KCNAB1: variants seen among roughly 807,000 people sequenced by gnomAD.
The protein encoded by KCNAB1 is potassium voltage-gated channel subfamily A regulatory beta subunit 1, also known as voltage-gated potassium channel subunit beta-1.
KCNAB1 carries 35 observed loss-of-function variants against 64.6 expected under a neutral mutation model. The ratio of observed to expected loss-of-function variants is 0.54; its 90% CI spans 0.41 to 0.72. The LOEUF is 0.72. Among genes scored for constraint, KCNAB1 ranks in the 30% least tolerant of loss-of-function variants. The pLI is 0.00. For missense variants in KCNAB1, 401 were observed against 512.9 expected (o/e 0.78, Z 2.11); for synonymous variants, 177 against 183.8 (o/e 0.96, Z 0.30).
intron 1 of KCNAB1, among the ~76,000 whole-genome samples, chr3:156,408,639 G>T (rs931494372): frequency 6.6e-6 from 1 of 152,042 alleles, no homozygotes; most frequent in Non-Finnish European, 1.5e-5. Context: ...AATTAGCCGG[G>T]TGTGGTGGGG....
chr3:156,454,831 AT>A (rs1037457393), intron 3 of KCNAB1, among the ~76,000 whole-genome samples: 3 of 152,172 alleles, frequency 2.0e-5, no homozygotes, highest in Non-Finnish European at 4.4e-5. Flanking sequence ...AGTAAAGTGC[AT>A]TATTTCCCCC....
chr3:156,200,583 G>A (rs891091194), intron 1 of KCNAB1, among the ~76,000 whole-genome samples: 10 of 152,098 alleles, frequency 6.6e-5, no homozygotes, highest in South Asian at 2.1e-4. Context: ...GGTGAATTCC[G>A]CAGAAATTCC....
chr3:156,160,948 G>C (rs1716040061), intron 1 of KCNAB1, among the ~76,000 whole-genome samples: 1 of 152,194 alleles, frequency 6.6e-6, no homozygotes, highest in African/African-American at 2.4e-5. Flanking sequence ...GCTGCTTTTG[G>C]CTCTTGTGTC....
intron 6 of KCNAB1, among the ~76,000 whole-genome samples, chr3:156,464,480 C>CAA (rs201395275): frequency 3.1e-4 from 46 of 148,420 alleles, no homozygotes; most frequent in South Asian, 8.6e-4. Flanking sequence ...ACAGAAATCG[C>CAA]AAAAAAATAA....
chr3:156,514,594 G>T, intron 9 of KCNAB1, 145 bp downstream of exon 9: 1 of 638,264 alleles, frequency 1.6e-6, no homozygotes, highest in South Asian at 1.9e-5. Context: ...TCATTACAGA[G>T]ATGGATATTG....
chr3:156,284,163 GT>G (rs1478252855), intron 1 of KCNAB1, among the ~76,000 whole-genome samples: 1 of 152,116 alleles, frequency 6.6e-6, no homozygotes, highest in African/African-American at 2.4e-5. Flanking sequence ...TGTCCTTTCT[GT>G]TTGTTAGTTT....
chr3:156,316,334 A>G (rs1009486557), intron 1 of KCNAB1, among the ~76,000 whole-genome samples: 1 of 152,226 alleles, frequency 6.6e-6, no homozygotes, highest in Admixed American at 6.5e-5. Context: ...CAGAAAATCA[A>G]CATAGTAGTG....
At chr3:156,238,349 G>A (rs1208114868) in intron 1 of KCNAB1, among the ~76,000 whole-genome samples, 4 of 150,962 alleles carry the variant, frequency 2.6e-5, no homozygotes, top group Non-Finnish European at 5.9e-5. Context: ...GTGAACCCGG[G>A]AGGCGGAACT....
chr3:156,492,636 AAC>A (rs1410259776), intron 8 of KCNAB1, among the ~76,000 whole-genome samples: 11 of 152,132 alleles, frequency 7.2e-5, no homozygotes, highest in African/African-American at 2.7e-4. Flanking sequence ...AGCTGAGTCC[AAC>A]AACCCCAAAG....
At chr3:156,346,785 ATT>A (rs1724508905) in intron 1 of KCNAB1, among the ~76,000 whole-genome samples, 1 of 152,188 alleles carries the variant, frequency 6.6e-6, no homozygotes, top group South Asian at 2.1e-4. Context: ...AAGTTGATTA[ATT>A]TTATGGAAAT....
intron 1 of KCNAB1, among the ~76,000 whole-genome samples, chr3:156,137,393 A>T (rs548456801): frequency 6.6e-6 from 1 of 152,208 alleles, no homozygotes; most frequent in East Asian, 1.9e-4. Flanking sequence ...ACTCCCATGC[A>T]CTGTAACATG....
intron 1 of KCNAB1, among the ~76,000 whole-genome samples, chr3:156,326,508 A>G (rs1560197120): frequency 6.6e-6 from 1 of 152,176 alleles, no homozygotes; most frequent in Non-Finnish European, 1.5e-5. Flanking sequence ...AAAACATTAC[A>G]TTCTCAGTAA....
chr3:156,485,967 G>A (rs1279485081), intron 8 of KCNAB1, among the ~76,000 whole-genome samples: 1 of 152,000 alleles, frequency 6.6e-6, no homozygotes, highest in African/African-American at 2.4e-5. Flanking sequence ...TTTCCACACT[G>A]TTTTCCGAGG....
intron 5 of KCNAB1, among the ~76,000 whole-genome samples, chr3:156,462,935 G>A (rs1424645220): frequency 2.0e-5 from 3 of 152,220 alleles, no homozygotes; most frequent in Middle Eastern, 3.4e-3. Flanking sequence ...TCCTGCCCTT[G>A]GTTGTGGCTT....
chr3:156,489,985 G>T (rs1715518387), intron 8 of KCNAB1, among the ~76,000 whole-genome samples: 1 of 152,132 alleles, frequency 6.6e-6, no homozygotes, highest in African/African-American at 2.4e-5. Context: ...CAGGTCTGCA[G>T]TCAGTGTCCT....
At position 156,128,249 on chromosome 3, in the gene KCNAB1, T is replaced by C. The variant is rs148134656; in HGVS notation, c.275+7363T>C. 3.8e-3 allele frequency among the ~76,000 whole-genome samples: 580 copies of C among 152,320 alleles called. 2 individuals are homozygous for C. Among genetic ancestry groups the C allele is most frequent in the Non-Finnish European group, 6.4e-3 (434 of 68,020 alleles). The stretch of plus-strand genomic sequence containing the variant: ...ACTAGACGAGATGATCCCTTGAGCT[T>C]TGTCCAGCTTTGAGCCTGTGGAGTA... On this transcript the variant is annotated intron_variant, in intron 1 of 13. Transcript: ENST00000490337.
At chr3:156,179,558 C>T (rs1712664555) in intron 1 of KCNAB1, among the ~76,000 whole-genome samples, 1 of 151,792 alleles carries the variant, frequency 6.6e-6, no homozygotes, top group Admixed American at 6.6e-5. Flanking sequence ...CCTCAGAAGG[C>T]ACCTGTCATG....
rs2108379896 is a variant in KCNAB1 at position 156,508,225 on chromosome 3, T to G, written c.659-6139T>G. On this transcript the variant is annotated intron_variant, in intron 8 of 13. Coordinates refer to ENST00000490337, the MANE Select transcript of KCNAB1 (RefSeq NM_172160.3). The surrounding 1 kb of genome is among the most constrained non-coding windows in gnomAD (Gnocchi z 4.1). ...ACTGGATTACCTCTAAGGCTTCTTT[T>G]GCTTTTATCTTTTTTATCTTTTGCT... is the stretch of plus-strand genomic sequence containing the variant. Among the ~76,000 whole-genome samples, 1 of 152,340 alleles carries G rather than the reference T, an allele frequency of 6.6e-6. No homozygotes were observed. The highest frequency in any genetic ancestry group is 3.4e-3 in the Middle Eastern group (1 of 294).
chr3:156,364,519 C>G (rs1266605481), intron 1 of KCNAB1, among the ~76,000 whole-genome samples: 1 of 152,158 alleles, frequency 6.6e-6, no homozygotes, highest in Non-Finnish European at 1.5e-5. Flanking sequence ...TGGCTCACAC[C>G]TGTAATCCCA....
Sources: gnomAD v4.1 joint callset for allele counts (sites outside exome capture counted in the v4.1 genomes callset) on GRCh38, gnomAD v4.1.1 for gene constraint, Gnocchi (gnomAD v3.1) non-coding constraint, MANE v1.5 for transcripts, NCBI Gene and HGNC (gene_info 2026-07-23, HGNC 2026-07-21) for gene names.